The following USP31 variants were observed in gnomAD, a reference collection of about 807,000 sequenced individuals.
USP31 encodes ubiquitin specific peptidase 31.
Under a neutral mutation model 119.4 loss-of-function variants are expected in USP31, and 44 were observed. The ratio of observed to expected loss-of-function variants is 0.37; its 90% confidence interval spans 0.29 to 0.47. USP31 has a LOEUF of 0.47. Ranked by LOEUF, USP31 falls within the 20% of genes least tolerant of loss-of-function variation. The pLI is 0.99. For synonymous variants in USP31, 749 were observed against 705.6 expected, an observed-to-expected ratio of 1.06 and a Z score of -0.97; for missense variants, 1,643 against 1,730.2, an observed-to-expected ratio of 0.95 and a Z score of 0.89.
At position 23,068,368 on chromosome 16, in the gene USP31, T is replaced by C; in HGVS notation, c.3737A>G (p.Lys1246Arg). 1 of 1,614,168 alleles carries C rather than the reference T, an allele frequency of 6.2e-7. No individual in the cohort carries two copies. ...AGCCTTTTTAGAGAGCAAGGCTGTC[T>C]TGCCAAGATCCGTCGAGCGCCGGGT... Reference protein sequence around the residue: ...KETRRSTDLGKTALLSKKAGG... With the variant: ...KETRRSTDLGRTALLSKKAGG... Residue 1246 changes from lysine (K) to arginine (R), a missense_variant, in exon 16 of 16, where the codon AAG becomes AGG. Around this residue, in one of 5 missense-constraint regions of USP31, gnomAD observed 699 missense variants for 650.9 expected, o/e 1.07. Transcript: ENST00000219689.
chr16:23,103,314 A>T (rs1172177599), intron 5 of USP31, among the ~76,000 whole-genome samples: 1 of 152,192 alleles, frequency 6.6e-6, no homozygotes, highest in Admixed American at 6.5e-5. Context: ...AAAAAAAATC[A>T]ACTCAAATGT....
intron 2 of USP31, 114 bp from the exon 3 acceptor site, chr16:23,106,601 G>T: frequency 9.2e-7 from 1 of 1,090,094 alleles, no homozygotes; most frequent in Non-Finnish European, 1.3e-6. Context: ...TGCATCAAGT[G>T]CAGATACTTC....
chr16:23,149,143 G>A lies in USP31; in HGVS notation c.128C>T (p.Ala43Val). The A allele has an allele frequency of 8.4e-7, 1 of 1,190,860 alleles. No individual in the cohort carries two copies. 73.8% of individuals were successfully genotyped at this position (1,190,860 alleles called of 1,614,324 possible). A position where few individuals can be genotyped will look rare whatever the true frequency, so the allele number is the denominator to read the frequency against. The change falls in exon 1 of 16, where the codon GCG becomes GTG. Residue 43 changes from alanine (A) to valine (V), a missense_variant. Physicochemically the swap from Ala to Val is moderately conservative, Grantham distance 64. Around this residue, in one of 5 missense-constraint regions of USP31, gnomAD observed 302 missense variants for 262.6 expected, o/e 1.15. Coordinates refer to ENST00000219689, the MANE Select transcript of USP31 (RefSeq NM_020718.4). ...CGAGGAAGGCGCGGCCGGCCCGGAC[G>A]CCCCGGGGCCCCCCGCGCCGCCGCC... is the stretch of plus-strand genomic sequence containing the variant. Reference protein sequence around the residue: ...AGGGGAGGPGASGPAAPSSPS... With the variant: ...AGGGGAGGPGVSGPAAPSSPS...
Position 23,062,201 on chromosome 16 carries a change from AGATTACTTCGAAGGTGTT to A in USP31, c.*5827_*5844del, listed in dbSNP as rs1899860283. 6.6e-6 allele frequency: 1 copy of A among 152,516 alleles called. No individual in the cohort carries two copies. The highest frequency in any genetic ancestry group is 6.5e-5 in the Admixed American group (1 of 15,284). The allele number at this position is 152,516 out of a possible 1,614,324, so 9.4% of individuals were successfully genotyped here. ...TGAGGCTCGACAGAATGAAACCATC[AGATTACTTCGAAGGTGTT>A]GTAGTGCATTCAGCTCACCACAGAT... On this transcript the variant is annotated 3_prime_UTR_variant, in exon 16 of 16. Coordinates refer to ENST00000219689, the MANE Select transcript of USP31 (RefSeq NM_020718.4).
intron 6 of USP31, among the ~76,000 whole-genome samples, chr16:23,095,689 T>C (rs1901576315): frequency 6.6e-6 from 1 of 152,190 alleles, no homozygotes; most frequent in Non-Finnish European, 1.5e-5. Context: ...ATGGGGCCAA[T>C]ATTCAATATT....
chr16:23,147,108 TTTTTG>T (rs890181949), intron 1 of USP31, among the ~76,000 whole-genome samples: 6 of 151,814 alleles, frequency 4.0e-5, no homozygotes, highest in Admixed American at 2.6e-4. Flanking sequence ...CTTCACGCTG[TTTTTG>T]TTTTGTTTTG....
At position 23,062,103 on chromosome 16, in the gene USP31, G is replaced by A. The variant is rs1416047658; in HGVS notation, c.*5943C>T. 1 of 152,636 alleles carries A rather than the reference G, an allele frequency of 6.6e-6. No individual in the cohort carries two copies. The highest frequency in any genetic ancestry group is 1.5e-5 in the Non-Finnish European group (1 of 68,048). The allele number at this position is 152,636 out of a possible 1,614,324, so 9.5% of individuals were successfully genotyped here. A position where few individuals can be genotyped will look rare whatever the true frequency, so the allele number is the denominator to read the frequency against. ...CTTTCTAAAGAAACATTTCCAACTT[G>A]CATGTCTACTTGTATCTTCATTCCT... is the stretch of plus-strand genomic sequence containing the variant. On this transcript the variant is annotated 3_prime_UTR_variant, in exon 16 of 16. Transcript: ENST00000219689.
At chr16:23,098,761 C>T (rs1272365478) in intron 6 of USP31, among the ~76,000 whole-genome samples, 2 of 152,168 alleles carry the variant, frequency 1.3e-5, no homozygotes, top group African/African-American at 4.8e-5. Context: ...GGAAAACTGG[C>T]TAGCCATATG....
At chr16:23,133,887 G>A (rs1388922843) in intron 1 of USP31, among the ~76,000 whole-genome samples, 2 of 152,092 alleles carry the variant, frequency 1.3e-5, no homozygotes, top group East Asian at 3.9e-4. Flanking sequence ...GCCAGCCTGG[G>A]CAACATGGCA....
chr16:23,090,839 T>A (rs1240421583), intron 6 of USP31, 35 bp from the exon 7 acceptor site: 1 of 1,437,258 alleles, frequency 7.0e-7, no homozygotes, highest in East Asian at 2.4e-5. Flanking sequence ...TTTTATCTCT[T>A]CAAAATTATT....
rs771742097 is a variant in USP31 at position 23,082,430 on chromosome 16, T to G, written c.1950+8A>C. ...TTGTTTGTTCCTGAGGATAAAGGAT[T>G]TCCATACCTGCCGAAATCTCTTTAG... On this transcript the variant is annotated splice_region_variant and intron_variant, in intron 12 of 15. Coordinates refer to ENST00000219689, the MANE Select transcript of USP31 (RefSeq NM_020718.4). 2.5e-6 allele frequency: 4 copies of G among 1,613,770 alleles called. No homozygotes were observed. In the East Asian group the frequency reaches 8.9e-5, roughly 36 times the overall value.
At position 23,068,911 on chromosome 16, in the gene USP31, T is replaced by G. The variant is rs1179180659; in HGVS notation, c.3194A>C (p.Lys1065Thr). ...STSPSSPLPV[K>T]VSLKPSRSRS... is the part of the protein sequence containing the mutation. ...GGAGCGGGAGGGCTTTAGAGAGACTTTTACAGGAAGAGGAGAAGAAGGGGA... is the reference window on the plus strand; with the variant it reads ...GGAGCGGGAGGGCTTTAGAGAGACTGTTACAGGAAGAGGAGAAGAAGGGGA... Residue 1065 changes from lysine (K) to threonine (T), a missense_variant, in exon 16 of 16, where the codon AAA (lysine) becomes ACA (threonine). Coordinates refer to ENST00000219689, the MANE Select transcript of USP31 (RefSeq NM_020718.4). 11 of 1,612,662 alleles carry G rather than the reference T, an allele frequency of 6.8e-6. No homozygotes were observed. The South Asian group carries it at 1.1e-4, about 16-fold the overall frequency.
chr16:23,088,917 G>C (rs1296948488), intron 7 of USP31, among the ~76,000 whole-genome samples: 1 of 152,194 alleles, frequency 6.6e-6, no homozygotes, highest in Non-Finnish European at 1.5e-5. Context: ...GGGAAGTAGA[G>C]GTGCTAAGAT....
In USP31 at chr16:23,067,539, A is replaced by C. The variant is rs1900123840; in HGVS notation, c.*507T>G. The C allele has an allele frequency of 1.3e-5, 2 of 154,576 alleles. No individual in the cohort carries two copies. Among genetic ancestry groups the C allele is most frequent in the Non-Finnish European group, 2.9e-5 (2 of 69,526 alleles). The allele number at this position is 154,576 out of a possible 1,614,324, so 9.6% of individuals were successfully genotyped here. A position where few individuals can be genotyped will look rare whatever the true frequency, so the allele number is the denominator to read the frequency against. On this transcript the variant is annotated 3_prime_UTR_variant, in exon 16 of 16. Transcript: ENST00000219689. Reference sequence around the variant, plus strand: ...ACTGGTAGATGGGGCGAAAGTGCAGAAAGCAAGAGTTTTTCCCTCGATTTG... The same window carrying C: ...ACTGGTAGATGGGGCGAAAGTGCAGCAAGCAAGAGTTTTTCCCTCGATTTG...
chr16:23,106,316 A>T lies in USP31; in HGVS notation c.861-11T>A. On this transcript the variant is annotated splice_polypyrimidine_tract_variant and intron_variant, in intron 3 of 15. Transcript: ENST00000219689. ...CACGTCAAAGAAGATCTTCAAAACA[A>T]AAAGGTAAGACGCTTGACATTAAAA... is the stretch of plus-strand genomic sequence containing the variant. 1 of 1,614,150 alleles carries T rather than the reference A, an allele frequency of 6.2e-7. No homozygotes were observed. Among genetic ancestry groups the T allele is most frequent in the South Asian group, 1.1e-5 (1 of 91,058 alleles).
chr16:23,089,075 T>C (rs1901237724), intron 7 of USP31, among the ~76,000 whole-genome samples: 1 of 152,196 alleles, frequency 6.6e-6, no homozygotes, highest in Non-Finnish European at 1.5e-5. Flanking sequence ...AAATAATGAC[T>C]TCACTCTTTA....
Position 23,065,497 on chromosome 16 carries a change from A to G in USP31, c.*2549T>C, listed in dbSNP as rs532998581. 6.6e-6 allele frequency: 1 copy of G among 152,616 alleles called. No individual in the cohort carries two copies. The highest frequency in any genetic ancestry group is 1.5e-5 in the Non-Finnish European group (1 of 68,028). 9.5% of individuals were successfully genotyped at this position (152,616 alleles called of 1,614,324 possible). A position where few individuals can be genotyped will look rare whatever the true frequency, so the allele number is the denominator to read the frequency against. On this transcript the variant is annotated 3_prime_UTR_variant, in exon 16 of 16. Transcript: ENST00000219689. The stretch of plus-strand genomic sequence containing the variant: ...CCTGTGGCCTAAAGTTGTACCTAGT[A>G]GTTGGAGATAATGAAATTTTCACTG...
intron 1 of USP31, among the ~76,000 whole-genome samples, chr16:23,148,412 C>T (rs535937109): frequency 7.2e-5 from 11 of 152,310 alleles, no homozygotes; most frequent in Middle Eastern, 3.4e-3. Context: ...AGTATGGGCA[C>T]GTATGTAGTA....
chr16:23,145,608 C>A (rs1227778267), intron 1 of USP31, among the ~76,000 whole-genome samples: 1 of 152,150 alleles, frequency 6.6e-6, no homozygotes, highest in African/African-American at 2.4e-5. Flanking sequence ...GGTAGAATGC[C>A]AGGTGCAGTG....
Sources: allele counts gnomAD v4.1 joint callset (sites outside exome capture counted in the v4.1 genomes callset), GRCh38; gene constraint gnomAD v4.1.1; regional missense constraint gnomAD v4.1.1; transcripts MANE v1.5; gene names NCBI Gene and HGNC (gene_info 2026-07-23, HGNC 2026-07-21).